Variants in SEZ6L observed in about 807,000 individuals in gnomAD.
SEZ6L encodes seizure related 6 homolog like, also known as seizure 6-like protein.
Under a neutral mutation model 106.2 loss-of-function variants are expected in SEZ6L, and 37 were observed. The observed-to-expected ratio is 0.35, with a 90% CI of 0.27 to 0.46. The LOEUF is 0.46. Among genes scored for constraint, SEZ6L ranks in the 20% least tolerant of loss-of-function variants. SEZ6L has a pLI of 1.00. For missense variants in SEZ6L, 1,172 were observed against 1,332.8 expected, an observed-to-expected ratio of 0.88 and a Z score of 1.88; for synonymous variants, 541 against 570.4, an observed-to-expected ratio of 0.95 and a Z score of 0.73.
rs1211422692 is a variant in SEZ6L, at chr22:26,340,482, G to A, written c.2062G>A (p.Glu688Lys). The change falls in exon 10 of 17, where the codon GAG becomes AAG. Residue 688 changes from glutamate to lysine, a missense_variant. Glu to Lys is a moderately conservative substitution (Grantham distance 56). Around this residue, in one of 4 missense-constraint regions of SEZ6L, gnomAD observed 534 missense variants for 691.0 expected, o/e 0.77. Transcript: ENST00000248933. ...SDILTIYDGD[E>K]VMPHILGQYL... The stretch of plus-strand genomic sequence containing the variant: ...CATCTTGACCATCTACGATGGCGAC[G>A]AGGTCATGCCCCACATCTTGGGGCA... 12 of 1,613,912 alleles carry A rather than the reference G, an allele frequency of 7.4e-6. No homozygotes were observed. The highest frequency in any genetic ancestry group is 1.7e-5 in the Admixed American group (1 of 59,988).
intron 1 of SEZ6L, among the ~76,000 whole-genome samples, chr22:26,270,998 C>A (rs1459329475): frequency 2.6e-5 from 4 of 152,170 alleles, no homozygotes; most frequent in Admixed American, 6.5e-5. Context: ...GATCCAGATA[C>A]AAAAATAAGG....
At chr22:26,344,541 G>A (rs903091898) in intron 10 of SEZ6L, among the ~76,000 whole-genome samples, 9 of 152,212 alleles carry the variant, frequency 5.9e-5, no homozygotes, top group Non-Finnish European at 1.3e-4. Flanking sequence ...GGCTGTGCTT[G>A]ATTAGAGATG....
At chr22:26,291,973 G>A (rs2081123118) in intron 1 of SEZ6L, among the ~76,000 whole-genome samples, 1 of 136,556 alleles carries the variant, frequency 7.3e-6, no homozygotes, top group Admixed American at 8.4e-5. Context: ...CAAGTCTTCA[G>A]GAAAAGGAAG....
intron 12 of SEZ6L, among the ~76,000 whole-genome samples, chr22:26,361,639 C>T (rs544260638): frequency 4.0e-4 from 61 of 152,008 alleles, no homozygotes; most frequent in African/African-American, 1.5e-3. Context: ...ATATGCTGCC[C>T]ATCTCATGTG....
intron 1 of SEZ6L, among the ~76,000 whole-genome samples, chr22:26,284,535 A>G (rs2080867651): frequency 7.3e-6 from 1 of 137,506 alleles, no homozygotes; most frequent in Admixed American, 8.3e-5. Context: ...GCTTTAACCC[A>G]GGAGGCGGAG....
rs149157018 is a variant in SEZ6L, at chr22:26,269,666, A to G, written c.95-22740A>G. Among the ~76,000 whole-genome samples the G allele has an allele frequency of 4.7e-3, 717 of 152,336 alleles. 9 individuals are homozygous for G. Among genetic ancestry groups the G allele is most frequent in the African/African-American group, 0.016 (650 of 41,580 alleles). ...CTAACGTCTCCCAGTCTCTGATCAAAAATTGTGGTAAAACATTGTCTTGTC... is the reference window on the plus strand; with the variant it reads ...CTAACGTCTCCCAGTCTCTGATCAAGAATTGTGGTAAAACATTGTCTTGTC... On this transcript the variant is annotated intron_variant, in intron 1 of 16. Coordinates refer to ENST00000248933, the MANE Select transcript of SEZ6L (RefSeq NM_021115.5).
chr22:26,315,492 G>A (rs893126561), intron 9 of SEZ6L, among the ~76,000 whole-genome samples: 3 of 151,782 alleles, frequency 2.0e-5, no homozygotes, highest in South Asian at 4.2e-4. Context: ...AAAAAAAGAA[G>A]TGTCCCCAGA....
At chr22:26,280,239 T>C (rs2080717353) in intron 1 of SEZ6L, among the ~76,000 whole-genome samples, 1 of 150,240 alleles carries the variant, frequency 6.7e-6, no homozygotes, top group Non-Finnish European at 1.5e-5. Flanking sequence ...AATAAGTAAG[T>C]CTCCCTATAA....
At chr22:26,348,922 GGGAA>G (rs2083181511) in intron 11 of SEZ6L, among the ~76,000 whole-genome samples, 4 of 108,526 alleles carry the variant, frequency 3.7e-5, no homozygotes, top group African/African-American at 1.1e-4. Context: ...AGGGGAGGGA[GGGAA>G]GGAAGGAAGG....
At chr22:26,338,855 C>CTTTTT (rs758792495) in intron 9 of SEZ6L, among the ~76,000 whole-genome samples, 1 of 93,374 alleles carries the variant, frequency 1.1e-5, no homozygotes, top group Non-Finnish European at 2.1e-5. Flanking sequence ...CACGCCCGGA[C>CTTTTT]TTTTTTTTTT....
At position 26,187,834 on chromosome 22, in the gene SEZ6L, T is replaced by C. The variant is rs375972606; in HGVS notation, c.94+18071T>C. On this transcript the variant is annotated intron_variant, in intron 1 of 16. Coordinates refer to ENST00000248933, the MANE Select transcript of SEZ6L (RefSeq NM_021115.5). ...CAACATTTATAATATAGCTGAACTATAAAAATGTGCTTGGGGCAGAAATTA... is the reference window on the plus strand; with the variant it reads ...CAACATTTATAATATAGCTGAACTACAAAAATGTGCTTGGGGCAGAAATTA... 3.3e-5 allele frequency among the ~76,000 whole-genome samples: 5 copies of C among 152,172 alleles called. No individual in the cohort carries two copies. In the East Asian group the frequency reaches 5.8e-4, roughly 18 times the overall value.
chr22:26,215,579 C>T (rs1015236919), intron 1 of SEZ6L, among the ~76,000 whole-genome samples: 11 of 152,122 alleles, frequency 7.2e-5, no homozygotes, highest in African/African-American at 2.4e-4. Context: ...AGGCTCAATC[C>T]ATATCAATCC....
chr22:26,183,816 A>T (rs1201324292), intron 1 of SEZ6L, among the ~76,000 whole-genome samples: 4 of 152,256 alleles, frequency 2.6e-5, no homozygotes, highest in African/African-American at 9.6e-5. Flanking sequence ...CATAAAGCAT[A>T]AACTTGGACA....
chr22:26,305,356 C>G (rs539908835), intron 5 of SEZ6L, among the ~76,000 whole-genome samples: 1 of 151,708 alleles, frequency 6.6e-6, no homozygotes, highest in South Asian at 2.1e-4. Context: ...TGTTTGAGCA[C>G]GTTTTCTAGG....
Position 26,310,668 on chromosome 22 carries a change from A to G in SEZ6L, c.1515-2A>G. 1 of 1,614,112 alleles carries G rather than the reference A, an allele frequency of 6.2e-7. No homozygotes were observed. Among genetic ancestry groups the G allele is most frequent in the Non-Finnish European group, 8.5e-7 (1 of 1,179,982 alleles). The stretch of plus-strand genomic sequence containing the variant: ...GTCCCTCCTCTCTGCTCCCACTGCC[A>G]GGATGACGGTTCACAGCGGGCAGAC... On this transcript the variant is annotated splice_acceptor_variant, in intron 6 of 16. Transcript: ENST00000248933. LOFTEE classifies it high-confidence loss of function.
intron 1 of SEZ6L, among the ~76,000 whole-genome samples, chr22:26,205,713 T>C (rs181216918): frequency 1.3e-5 from 2 of 152,334 alleles, no homozygotes; most frequent in African/African-American, 4.8e-5. Flanking sequence ...CCAATCACAC[T>C]GCTCTAACTA....
intron 10 of SEZ6L, among the ~76,000 whole-genome samples, chr22:26,341,783 T>A (rs2082845257): frequency 1.3e-5 from 2 of 152,118 alleles, no homozygotes; most frequent in South Asian, 2.1e-4. Context: ...TGCCCCCATA[T>A]CCAATCCATC....
intron 1 of SEZ6L, among the ~76,000 whole-genome samples, chr22:26,197,358 T>C (rs1940649580): frequency 1.3e-5 from 2 of 152,222 alleles, no homozygotes; most frequent in African/African-American, 4.8e-5. Context: ...TTCTATTGCA[T>C]GACAGGTGTT....
intron 10 of SEZ6L, among the ~76,000 whole-genome samples, chr22:26,343,596 C>T (rs778592353): frequency 2.9e-4 from 44 of 152,268 alleles, no homozygotes; most frequent in Admixed American, 1.4e-3. Context: ...AGGCTCTGCA[C>T]ACCAGGATAT....
Sources: gnomAD v4.1 joint callset for allele counts (sites outside exome capture counted in the v4.1 genomes callset) on GRCh38, gnomAD v4.1.1 for gene constraint, gnomAD v4.1.1 regional missense constraint, MANE v1.5 for transcripts, NCBI Gene and HGNC (gene_info 2026-07-23, HGNC 2026-07-21) for gene names.